PTPRT: variants seen among roughly 807,000 people sequenced by gnomAD.
The protein encoded by PTPRT is receptor-type tyrosine-protein phosphatase T.
PTPRT carries 56 observed loss-of-function variants against 176.8 expected under a neutral mutation model. The observed-to-expected ratio is 0.32, with a 90% CI of 0.26 to 0.40. PTPRT has a LOEUF of 0.40. Among genes scored for constraint, PTPRT ranks in the 10% least tolerant of loss-of-function variants. The pLI is 1.00. For missense variants in PTPRT, 1,540 were observed against 1,908.2 expected (o/e 0.81, Z 3.60); for synonymous variants, 783 against 739.0 (o/e 1.06, Z -0.96).
chr20:42,195,212 T>C (rs1342981488), intron 16 of PTPRT, among the ~76,000 whole-genome samples: 2 of 152,158 alleles, frequency 1.3e-5, no homozygotes, highest in Admixed American at 6.5e-5. Flanking sequence ...CAGGTAGAAT[T>C]TGAATTAGGC....
chr20:42,562,249 C>T (rs2072964542), intron 7 of PTPRT, among the ~76,000 whole-genome samples: 1 of 152,182 alleles, frequency 6.6e-6, no homozygotes, highest in Non-Finnish European at 1.5e-5. Flanking sequence ...TTATCTTGTT[C>T]CCTAACCTAG....
the PTPRT span, among the ~76,000 whole-genome samples, chr20:42,063,335 C>T: frequency 1.3e-5 from 2 of 152,154 alleles, no homozygotes; most frequent in Admixed American, 6.5e-5. Context: ...GTTCCACAAC[C>T]CCAAAGCAGC....
At chr20:42,896,726 G>A (rs1237161484) in intron 1 of PTPRT, among the ~76,000 whole-genome samples, 2 of 151,864 alleles carry the variant, frequency 1.3e-5, no homozygotes, top group Non-Finnish European at 2.9e-5. Context: ...TCCAGGGCCT[G>A]TATGACTCAG....
At chr20:42,595,401 C>T (rs903895819) in intron 7 of PTPRT, among the ~76,000 whole-genome samples, 6 of 151,974 alleles carry the variant, frequency 3.9e-5, no homozygotes, top group South Asian at 2.1e-4. Context: ...AGTACTGTCC[C>T]GGTTGTGACA....
At chr20:42,945,194 T>C (rs540196015) in intron 1 of PTPRT, among the ~76,000 whole-genome samples, 1 of 151,446 alleles carries the variant, frequency 6.6e-6, no homozygotes, top group Non-Finnish European at 1.5e-5. Context: ...TACATATATA[T>C]GTATGTATGT....
chr20:42,972,497 A>T (rs1367680752), intron 1 of PTPRT, among the ~76,000 whole-genome samples: 1 of 151,604 alleles, frequency 6.6e-6, no homozygotes, highest in East Asian at 2.0e-4. Flanking sequence ...CCCCGTCTCT[A>T]CCAAAAATAC....
intron 1 of PTPRT, among the ~76,000 whole-genome samples, chr20:43,151,000 A>G (rs1296827763): frequency 6.6e-6 from 1 of 152,052 alleles, no homozygotes; most frequent in African/African-American, 2.4e-5. Flanking sequence ...TTAGCACTTC[A>G]GTGTGGTAAA....
At chr20:42,588,626 T>C (rs181392409) in intron 7 of PTPRT, among the ~76,000 whole-genome samples, 19 of 152,346 alleles carry the variant, frequency 1.2e-4, no homozygotes, top group South Asian at 2.1e-4. Context: ...ATTTGAAATA[T>C]ATTAGATCAA....
chr20:42,115,226 G>A lies in PTPRT; in HGVS notation c.3072C>T (p.Tyr1024=), dbSNP rs199531930. The change falls in exon 22 of 31, where the codon TAC becomes TAT. Residue 1024 remains tyrosine, a synonymous_variant. Coordinates refer to ENST00000373187, the MANE Select transcript of PTPRT (RefSeq NM_007050.6). ...TCTGGACTGTGAAGGTGCGTATGAC[G>A]TATTCTGCCAGGGGCTCTGTTTCAA... ...TLIETEPLAE[Y]VIRTFTVQKK... 72 of 1,613,948 alleles carry A rather than the reference G, an allele frequency of 4.5e-5. No homozygotes were observed. The African/African-American group carries it at 8.3e-4, about 19-fold the overall frequency.
chr20:43,156,620 G>A (rs2014530234), intron 1 of PTPRT, among the ~76,000 whole-genome samples: 1 of 152,170 alleles, frequency 6.6e-6, no homozygotes, highest in Non-Finnish European at 1.5e-5. Context: ...TTCCTGCCAT[G>A]GTTTACAATG....
intron 6 of PTPRT, among the ~76,000 whole-genome samples, chr20:42,684,649 A>C (rs1377212975): frequency 6.6e-6 from 1 of 152,236 alleles, no homozygotes; most frequent in Admixed American, 6.5e-5. Flanking sequence ...CTGAGTTTGC[A>C]GACTCTGAAG....
intron 1 of PTPRT, among the ~76,000 whole-genome samples, chr20:43,033,789 C>T (rs941160077): frequency 6.6e-6 from 1 of 152,078 alleles, no homozygotes; most frequent in East Asian, 1.9e-4. Flanking sequence ...GGAGGGTATC[C>T]CTGCTCTACA....
chr20:42,371,533 A>AAC (rs1173544320), intron 9 of PTPRT, among the ~76,000 whole-genome samples: 1 of 152,254 alleles, frequency 6.6e-6, no homozygotes, highest in Non-Finnish European at 1.5e-5. Context: ...GACTCTAAGC[A>AAC]ACACACACAA....
At chr20:42,052,255 G>A in the PTPRT span, among the ~76,000 whole-genome samples, 1 of 152,130 alleles carries the variant, frequency 6.6e-6, no homozygotes, top group African/African-American at 2.4e-5. Context: ...GCACTCTGCT[G>A]GGCCCTGCCT....
chr20:42,314,772 C>G (rs901078429), intron 12 of PTPRT, among the ~76,000 whole-genome samples: 2 of 151,946 alleles, frequency 1.3e-5, no homozygotes, highest in Admixed American at 6.6e-5. Flanking sequence ...GAGTGTGAAT[C>G]AAGAACAATG....
chr20:43,166,513 G>A (rs2014863478), intron 1 of PTPRT, among the ~76,000 whole-genome samples: 1 of 152,138 alleles, frequency 6.6e-6, no homozygotes. Flanking sequence ...TTTCATGTGT[G>A]TTCTTTCATT....
intron 15 of PTPRT, among the ~76,000 whole-genome samples, chr20:42,210,637 AATAAAAGAGGAT>A (rs1203074397): frequency 6.7e-6 from 1 of 150,296 alleles, no homozygotes; most frequent in Non-Finnish European, 1.5e-5. Context: ...TGCTCAAGGA[AATAAAAGAGGAT>A]ACAAACAAAT....
At position 42,854,662 on chromosome 20, in the gene PTPRT, A is replaced by G. The variant is rs146847256; in HGVS notation, c.214+31145T>C. Among the ~76,000 whole-genome samples the G allele has an allele frequency of 1.4e-3, 213 of 152,340 alleles. No individual in the cohort carries two copies. In the East Asian group the frequency reaches 0.033, roughly 23 times the overall value. On this transcript the variant is annotated intron_variant, in intron 2 of 30. Coordinates refer to ENST00000373187, the MANE Select transcript of PTPRT (RefSeq NM_007050.6). ...TAGGAAACAGTACAGTAGCTAAAGCAATCACTGGGGGAAAAAATTCTGAAA... is the reference window on the plus strand; with the variant it reads ...TAGGAAACAGTACAGTAGCTAAAGCGATCACTGGGGGAAAAAATTCTGAAA...
At chr20:42,197,240 G>A (rs992912504) in intron 16 of PTPRT, among the ~76,000 whole-genome samples, 4 of 151,784 alleles carry the variant, frequency 2.6e-5, no homozygotes, top group Admixed American at 2.0e-4. Flanking sequence ...TTAGCCACGC[G>A]TGGTGGTGGG....
Sources: allele counts gnomAD v4.1 joint callset (sites outside exome capture counted in the v4.1 genomes callset), GRCh38; gene constraint gnomAD v4.1.1; transcripts MANE v1.5; gene names NCBI Gene and HGNC (gene_info 2026-07-23, HGNC 2026-07-21).